The following CEP72 variants were observed in gnomAD, a reference collection of about 807,000 sequenced individuals.
The protein encoded by CEP72 is centrosomal protein of 72 kDa.
Under a neutral mutation model 65.7 loss-of-function variants are expected in CEP72, and 78 were observed. The ratio of observed to expected loss-of-function variants is 1.19; its 90% CI spans 0.99 to 1.43. The LOEUF is 1.43. CEP72 is among the 40% of genes most tolerant of loss of function. The probability of loss-of-function intolerance (pLI) is 0.00; values close to 1 mark genes in which losing one functional copy is unlikely to be tolerated. For synonymous variants in CEP72, 358 were observed against 351.7 expected (o/e 1.02, Z -0.20); for missense variants, 914 against 832.9 (o/e 1.10, Z -1.20).
chr5:617,246 T>A (rs1219549083), intron 1 of CEP72, among the ~76,000 whole-genome samples: 1 of 152,194 alleles, frequency 6.6e-6, no homozygotes, highest in African/African-American at 2.4e-5. Flanking sequence ...CTTCTGTTCC[T>A]TTCAGTCCCC....
chr5:666,176 C>T, intron 4 of CEP72: 1 of 1,589,114 alleles, frequency 6.3e-7, no homozygotes. Flanking sequence ...CAGGGCTGCC[C>T]TCCCCACGCG....
rs779335926 is a variant in CEP72 at position 637,615 on chromosome 5, C to T, written c.1003C>T (p.Arg335Ter). Residue 335 changes from arginine (R) to a stop codon, truncating the protein, a stop_gained, in exon 7 of 12, where the codon CGA (arginine) becomes TGA (stop). Coordinates refer to ENST00000264935, the MANE Select transcript of CEP72 (RefSeq NM_018140.4). LOFTEE classifies it high-confidence loss of function. ...GCCAGCCCCCGGAAAGTGCAGGAAG[C>T]GAAGAATGCCTGTTGGAAGATTCCA... ...PLPAPGKCRK[R>*]RMPVGRFQTF... 61 of 1,613,940 alleles carry T rather than the reference C, an allele frequency of 3.8e-5. No homozygotes were observed. Among genetic ancestry groups the T allele is most frequent in the Non-Finnish European group, 4.8e-5 (57 of 1,180,050 alleles).
At chr5:625,992 A>G (rs1348570605) in intron 4 of CEP72, among the ~76,000 whole-genome samples, 1 of 147,746 alleles carries the variant, frequency 6.8e-6, no homozygotes, top group African/African-American at 2.5e-5. Flanking sequence ...TTTCCAAGAA[A>G]GGTTGCATTC....
At position 637,787 on chromosome 5, in the gene CEP72, A is replaced by C; in HGVS notation, c.1175A>C (p.Gln392Pro). The change falls in exon 7 of 12, where the codon CAG (glutamine) becomes CCG (proline). Residue 392 changes from glutamine (Q) to proline (P), a missense_variant. Gln to Pro is a moderately conservative substitution (Grantham distance 76). Transcript: ENST00000264935. ...CCTGAGGCCTCGGAGACTGAGGAGC[A>C]GAGGTCTCGGGGTGTGACCGACACC... Reference protein sequence around the residue: ...SQPEASETEEQRSRGVTDTRE... With the variant: ...SQPEASETEEPRSRGVTDTRE... 1 of 1,595,624 alleles carries C rather than the reference A, an allele frequency of 6.3e-7. No individual in the cohort carries two copies. Among genetic ancestry groups the C allele is most frequent in the Non-Finnish European group, 8.5e-7 (1 of 1,169,654 alleles).
rs959455872 is a variant in CEP72 at position 623,810 on chromosome 5, A to G, written c.404-661A>G. 6.6e-6 allele frequency among the ~76,000 whole-genome samples: 1 copy of G among 152,086 alleles called. No individual in the cohort carries two copies. The highest frequency in any genetic ancestry group is 1.5e-5 in the Non-Finnish European group (1 of 68,018). ...CCTCCGTTTTTCTGCTTTGAACATT[A>G]TATTATGCTATTACTCACTCATTTC... On this transcript the variant is annotated intron_variant, in intron 3 of 11. Transcript: ENST00000264935. This position sits in a 1 kb window ranked among gnomAD's most constrained non-coding sequence, Gnocchi z 5.3.
In CEP72 at chr5:624,657, A is replaced by G; in HGVS notation, c.512+78A>G. The G allele has an allele frequency of 9.5e-7, 1 of 1,048,266 alleles. No individual in the cohort carries two copies. The highest frequency in any genetic ancestry group is 1.5e-6 in the Non-Finnish European group (1 of 672,188). 64.9% of individuals were successfully genotyped at this position (1,048,266 alleles called of 1,614,324 possible). A position where few individuals can be genotyped will look rare whatever the true frequency, so the allele number is the denominator to read the frequency against. On this transcript the variant is annotated intron_variant, in intron 4 of 11. Transcript: ENST00000264935. This position sits in a 1 kb window ranked among gnomAD's most constrained non-coding sequence, Gnocchi z 4.7. ...CAGGAGGATTAACCGAACGTCATTC[A>G]CTGTGTGCCGGTCACTCTCCAGGGG...
intron 1 of CEP72, among the ~76,000 whole-genome samples, chr5:617,516 C>A (rs1328861511): frequency 6.6e-6 from 1 of 152,172 alleles, no homozygotes; most frequent in Non-Finnish European, 1.5e-5. Context: ...GTCACGGAAA[C>A]CCTTTTCTTT....
At chr5:641,345 G>A (rs1485774698) in intron 9 of CEP72, 2 of 985,288 alleles carry the variant, frequency 2.0e-6, no homozygotes, top group East Asian at 2.3e-4. Context: ...TGGTGTGAGG[G>A]CAGAGCCACG....
intron 2 of CEP72, 65 bp downstream of exon 2, chr5:619,182 C>G: frequency 1.4e-6 from 2 of 1,465,596 alleles, no homozygotes; most frequent in Non-Finnish European, 1.9e-6. Flanking sequence ...CCATTCACAG[C>G]AGAAACGGAG....
chr5:646,685 G>A (rs1738444880), intron 10 of CEP72, among the ~76,000 whole-genome samples: 1 of 152,208 alleles, frequency 6.6e-6, no homozygotes, highest in Admixed American at 6.5e-5. Context: ...ACTGCATGGG[G>A]GCCCCTGGCC....
chr5:670,562 G>A (rs964052378), downstream of CEP72, among the ~76,000 whole-genome samples: 1 of 152,146 alleles, frequency 6.6e-6, no homozygotes, highest in African/African-American at 2.4e-5. Flanking sequence ...GGCCCCACGG[G>A]GGGAGGGGGA....
intron 4 of CEP72, among the ~76,000 whole-genome samples, chr5:629,135 C>A (rs1250607533): frequency 6.6e-6 from 1 of 151,974 alleles, no homozygotes; most frequent in Non-Finnish European, 1.5e-5. Context: ...GTAGATATCT[C>A]TTAACTGCCT....
chr5:628,759 C>T (rs866600340), intron 4 of CEP72, among the ~76,000 whole-genome samples: 182 of 118,840 alleles, frequency 1.5e-3, no homozygotes, highest in African/African-American at 4.3e-3. Context: ...TTGCAGTCCC[C>T]GGGGAGTGTT....
At chr5:655,741 G>T (rs759812887), downstream of CEP72, among the ~76,000 whole-genome samples, 17 of 152,160 alleles carry the variant, frequency 1.1e-4, no homozygotes, top group Non-Finnish European at 1.9e-4. The surrounding 1 kb of genome is among the most constrained non-coding windows in gnomAD (Gnocchi z 5.0). Flanking sequence ...GGGATTTCCT[G>T]TTTGTAAAGT....
chr5:672,203 G>A, the CEP72 span, among the ~76,000 whole-genome samples: 1 of 152,108 alleles, frequency 6.6e-6, no homozygotes, highest in Non-Finnish European at 1.5e-5. Context: ...CCCCAGTGCC[G>A]GCTGGCCGGG....
At chr5:621,178 C>T (rs1278547792) in intron 3 of CEP72, among the ~76,000 whole-genome samples, 1 of 152,234 alleles carries the variant, frequency 6.6e-6, no homozygotes, top group African/African-American at 2.4e-5. Flanking sequence ...TCCCTGGTTG[C>T]TTCTGTTGTT....
chr5:640,706 C>T, intron 9 of CEP72, 102 bp downstream of exon 9: 11 of 1,460,014 alleles, frequency 7.5e-6, no homozygotes, highest in Non-Finnish European at 9.9e-6. Context: ...ACTGTCCCAA[C>T]TGCCATCTCT....
At chr5:646,367 CT>C (rs1056718209) in intron 10 of CEP72, among the ~76,000 whole-genome samples, 5 of 152,314 alleles carry the variant, frequency 3.3e-5, no homozygotes, top group Non-Finnish European at 5.9e-5. Flanking sequence ...CGCCCTAACC[CT>C]TTGCCTTACA....
At chr5:664,813 C>T (rs1441662291) in intron 2 of CEP72, 6 of 389,776 alleles carry the variant, frequency 1.5e-5, no homozygotes, top group Non-Finnish European at 2.8e-5. Flanking sequence ...CTGCAAACCA[C>T]GTGCCCAGTG....
Sources: gnomAD v4.1 joint callset for allele counts (sites outside exome capture counted in the v4.1 genomes callset) on GRCh38, gnomAD v4.1.1 for gene constraint, Gnocchi (gnomAD v3.1) non-coding constraint, MANE v1.5 for transcripts, NCBI Gene and HGNC (gene_info 2026-07-23, HGNC 2026-07-21) for gene names.